KCNIP4: variants seen among roughly 807,000 people sequenced by gnomAD.
The protein encoded by KCNIP4 is Kv channel-interacting protein 4.
In KCNIP4, 12 loss-of-function variants were observed where a neutral mutation model predicts 34.0. That is an observed-to-expected ratio of 0.35 (90% CI 0.23 to 0.57). The LOEUF (loss-of-function observed/expected upper bound fraction) is 0.57, where lower values mean the gene tolerates loss of function less well. Among genes scored for constraint, KCNIP4 ranks in the 20% least tolerant of loss-of-function variants. The pLI, the probability that KCNIP4 is intolerant of heterozygous loss-of-function variation, is 0.83. For synonymous variants in KCNIP4, 124 were observed against 102.2 expected (o/e 1.21, Z -1.29); for missense variants, 238 against 311.7 (o/e 0.76, Z 1.78).
chr4:21,683,446 A>ATTTTTTTTTTTTTTTTTCTTTTTT (rs1750550523), intron 1 of KCNIP4, among the ~76,000 whole-genome samples: 1 of 46,554 alleles, frequency 2.1e-5, no homozygotes, highest in Non-Finnish European at 4.2e-5. Flanking sequence ...GTGAAGCCAG[A>ATTTTTTTTTTTTTTTTTCTTTTTT]TTTTTTTTTT....
At chr4:21,318,613 G>A (rs747285259) in intron 1 of KCNIP4, among the ~76,000 whole-genome samples, 1 of 152,074 alleles carries the variant, frequency 6.6e-6, no homozygotes, top group East Asian at 1.9e-4. Flanking sequence ...ACCAAATAGT[G>A]GAAGCGAAAA....
intron 1 of KCNIP4, among the ~76,000 whole-genome samples, chr4:21,111,941 T>C (rs978785908): frequency 2.2e-4 from 34 of 152,174 alleles, no homozygotes; most frequent in African/African-American, 8.0e-4. Flanking sequence ...TGATACCTAG[T>C]GCAATGATAG....
At chr4:21,491,785 T>G (rs907368996) in intron 1 of KCNIP4, among the ~76,000 whole-genome samples, 1 of 151,986 alleles carries the variant, frequency 6.6e-6, no homozygotes, top group Non-Finnish European at 1.5e-5. Flanking sequence ...ACTAATGTGA[T>G]AAGAATCATT....
intron 3 of KCNIP4, among the ~76,000 whole-genome samples, chr4:20,765,310 G>A (rs1248129021): frequency 6.6e-6 from 1 of 152,018 alleles, no homozygotes; most frequent in Admixed American, 6.6e-5. Context: ...GTCTCCTGGA[G>A]AGTCATCTGT....
intron 1 of KCNIP4, among the ~76,000 whole-genome samples, chr4:21,548,257 T>C (rs1416296270): frequency 2.0e-5 from 3 of 152,126 alleles, no homozygotes; most frequent in East Asian, 3.9e-4. Context: ...AGTTTTCAGA[T>C]TATGGATATT....
At chr4:21,801,284 G>T (rs1056374557) in intron 1 of KCNIP4, among the ~76,000 whole-genome samples, 1 of 152,130 alleles carries the variant, frequency 6.6e-6, no homozygotes, top group Non-Finnish European at 1.5e-5. Flanking sequence ...CTCTAAAATA[G>T]ATTGATAAAT....
At chr4:21,657,150 A>T (rs1748026501) in intron 1 of KCNIP4, among the ~76,000 whole-genome samples, 1 of 152,202 alleles carries the variant, frequency 6.6e-6, no homozygotes, top group African/African-American at 2.4e-5. Flanking sequence ...GTCATGTGGC[A>T]ATAAGAGAAA....
intron 1 of KCNIP4, among the ~76,000 whole-genome samples, chr4:21,057,766 A>G (rs1467689938): frequency 6.6e-6 from 1 of 152,178 alleles, no homozygotes; most frequent in African/African-American, 2.4e-5. Context: ...ATGACCTACT[A>G]ATGTGTTTCA....
intron 1 of KCNIP4, among the ~76,000 whole-genome samples, chr4:21,326,481 T>A (rs1327603449): frequency 2.0e-5 from 3 of 151,588 alleles, no homozygotes; most frequent in Non-Finnish European, 3.0e-5. Context: ...TTTTTCAGTC[T>A]ATATGTATCT....
chr4:21,276,976 A>T (rs1341055568), intron 1 of KCNIP4, among the ~76,000 whole-genome samples: 4 of 152,194 alleles, frequency 2.6e-5, no homozygotes. Context: ...TATGGATGAT[A>T]AGTGTGATAA....
intron 1 of KCNIP4, among the ~76,000 whole-genome samples, chr4:20,904,976 AAG>A (rs1319475190): frequency 6.6e-6 from 1 of 152,218 alleles, no homozygotes; most frequent in African/African-American, 2.4e-5. Flanking sequence ...AAAAGCATTT[AAG>A]AGAGACAGTT....
intron 4 of KCNIP4, 109 bp from the exon 5 acceptor site, chr4:20,749,841 T>C (rs1753265996): frequency 1.6e-6 from 1 of 638,634 alleles, no homozygotes; most frequent in African/African-American, 1.8e-5. Context: ...CTCTGCCTCC[T>C]TTAGTTTGTG....
At position 21,254,501 on chromosome 4, in the gene KCNIP4, C is replaced by T. The variant is rs1032606835; in HGVS notation, c.62-371792G>A. ...CACGGTTATGCATTTAAAATCATTC[C>T]TCCAAGTTATTCTTATGCATTTCAT... On this transcript the variant is annotated intron_variant, in intron 1 of 8. Coordinates refer to ENST00000382152, the MANE Select transcript of KCNIP4 (RefSeq NM_025221.6). Among the ~76,000 whole-genome samples the T allele has an allele frequency of 2.6e-5, 4 of 152,168 alleles. No individual in the cohort carries two copies. The East Asian group carries it at 7.7e-4, about 29-fold the overall frequency.
intron 1 of KCNIP4, among the ~76,000 whole-genome samples, chr4:21,795,014 T>C (rs112163033): frequency 6.6e-6 from 1 of 152,156 alleles, no homozygotes; most frequent in Non-Finnish European, 1.5e-5. Flanking sequence ...CCTTTTGTCC[T>C]TACTACAGAC....
chr4:21,840,136 C>A (rs529286717), intron 1 of KCNIP4, among the ~76,000 whole-genome samples: 3 of 151,838 alleles, frequency 2.0e-5, no homozygotes, highest in South Asian at 2.1e-4. Context: ...ATGTGTAGGG[C>A]ACATTTGGGA....
chr4:20,850,260 T>C (rs1024538957), intron 3 of KCNIP4: 1 of 219,586 alleles, frequency 4.6e-6, no homozygotes, highest in African/African-American at 2.3e-5. Context: ...TGAAATTATG[T>C]CATTATAGTT....
At chr4:21,727,978 G>T (rs1157784457) in intron 1 of KCNIP4, among the ~76,000 whole-genome samples, 2 of 152,118 alleles carry the variant, frequency 1.3e-5, no homozygotes. Flanking sequence ...TTTTCACATA[G>T]TATCTAATAC....
chr4:21,242,473 A>T (rs115492956), intron 1 of KCNIP4, among the ~76,000 whole-genome samples: 2,318 of 152,250 alleles, frequency 0.015, 61 homozygotes, highest in African/African-American at 0.052. Flanking sequence ...AAATGTCCAG[A>T]TTAAATGTCA....
chr4:21,739,754 A>G, intron 1 of KCNIP4, among the ~76,000 whole-genome samples: 1 of 152,112 alleles, frequency 6.6e-6, no homozygotes, highest in East Asian at 1.9e-4. Context: ...GTTGTCTTGA[A>G]TAGCTCCTTT....
Sources: allele counts gnomAD v4.1 joint callset (sites outside exome capture counted in the v4.1 genomes callset), GRCh38; gene constraint gnomAD v4.1.1; transcripts MANE v1.5; gene names NCBI Gene and HGNC (gene_info 2026-07-23, HGNC 2026-07-21).